The following KAT5 variants were observed in gnomAD, a reference collection of about 807,000 sequenced individuals.
KAT5 encodes the protein lysine acetyltransferase 5.
In KAT5, 31 loss-of-function variants were observed where a neutral mutation model predicts 68.1. The ratio of observed to expected loss-of-function variants is 0.46; its 90% CI spans 0.34 to 0.61. The LOEUF (loss-of-function observed/expected upper bound fraction) is 0.61, where lower values mean the gene tolerates loss of function less well. Among genes scored for constraint, KAT5 ranks in the 20% least tolerant of loss-of-function variants. The pLI is 0.01. For missense variants in KAT5, 451 were observed against 725.5 expected (o/e 0.62, Z 4.35); for synonymous variants, 365 against 292.6 (o/e 1.25, Z -2.52).
Position 65,713,632 on chromosome 11 carries a change from C to T in KAT5, c.580C>T (p.Pro194Ser), listed in dbSNP as rs1243182718. The stretch of plus-strand genomic sequence containing the variant: ...GGTGGTTTCACCAGCAACTCCAGTG[C>T]CCAGCGAGACAGCCCCGGCCTCGGT... The part of the protein sequence containing the change: ...VEVVSPATPV[P>S]SETAPASVFP... The change falls in exon 5 of 13, where the codon CCC becomes TCC. Residue 194 changes from proline to serine, a missense_variant. Transcript: ENST00000341318. The T allele has an allele frequency of 6.2e-7, 1 of 1,614,062 alleles. No individual in the cohort carries two copies. The highest frequency in any genetic ancestry group is 8.5e-7 in the Non-Finnish European group (1 of 1,180,028).
At position 65,718,764 on chromosome 11, in the gene KAT5, G is replaced by A; in HGVS notation, c.1424+15G>A. 1 of 1,614,176 alleles carries A rather than the reference G, an allele frequency of 6.2e-7. No individual in the cohort carries two copies. ...ATCACCATCAAGTGAGCCTGGCGCT[G>A]TCTACCTGGGGGTACATGGCATGGC... On this transcript the variant is annotated intron_variant, in intron 11 of 12. Transcript: ENST00000341318.
intron 3 of KAT5, 144 bp from the exon 4 acceptor site, chr11:65,713,204 G>A (rs922915819): frequency 4.6e-6 from 6 of 1,318,462 alleles, no homozygotes; most frequent in Admixed American, 2.0e-5. Context: ...TGCACATGTA[G>A]CTCCCAGAGT....
chr11:65,718,557 T>C, intron 10 of KAT5, 33 bp from the exon 11 acceptor site: 1 of 1,599,116 alleles, frequency 6.3e-7, no homozygotes. Flanking sequence ...ATCTGTGACC[T>C]CTTACTCACC....
At chr11:65,718,841 C>A in intron 11 of KAT5, 32 bp from the exon 12 acceptor site, 1 of 1,613,706 alleles carries the variant, frequency 6.2e-7, no homozygotes, top group African/African-American at 1.3e-5. Flanking sequence ...AGATAAAGGT[C>A]CTCAGGGAAC....
At chr11:65,717,236 C>T (rs1364593148) in intron 10 of KAT5, 2 of 571,382 alleles carry the variant, frequency 3.5e-6, no homozygotes, top group East Asian at 5.9e-5. Context: ...TTCCCCAAAT[C>T]TGACTTACGT....
chr11:65,719,425 A>T lies in KAT5; in HGVS notation c.*244A>T. ...CTCCTCTGAAGCAGGGACCAGAGGGAGCCAGGCAGCTGTGTACAGTGAGAA... is the reference window on the plus strand; with the variant it reads ...CTCCTCTGAAGCAGGGACCAGAGGGTGCCAGGCAGCTGTGTACAGTGAGAA... On this transcript the variant is annotated 3_prime_UTR_variant, in exon 13 of 13. Coordinates refer to ENST00000341318, the MANE Select transcript of KAT5 (RefSeq NM_182710.3). 2 of 606,640 alleles carry T rather than the reference A, an allele frequency of 3.3e-6. No homozygotes were observed. The highest frequency in any genetic ancestry group is 2.9e-6 in the Non-Finnish European group (1 of 343,726). 37.6% of individuals were successfully genotyped at this position (606,640 alleles called of 1,614,324 possible).
At chr11:65,712,191 GC>G, upstream of KAT5, 1 of 1,356,444 alleles carries the variant, frequency 7.4e-7, no homozygotes, top group Non-Finnish European at 9.6e-7. Context: ...GCTTCGTGAG[GC>G]CCGGGCCCAC....
intron 8 of KAT5, chr11:65,716,331 A>G: frequency 3.6e-6 from 1 of 276,488 alleles, no homozygotes; most frequent in Admixed American, 4.7e-5. Flanking sequence ...TGGACACATT[A>G]GTTCGTTGGC....
chr11:65,713,172 T>G, intron 3 of KAT5, 114 bp downstream of exon 3: 3 of 1,431,572 alleles, frequency 2.1e-6, no homozygotes, highest in Non-Finnish European at 2.9e-6. Context: ...TGACTTCATC[T>G]TGCAAAGGAT....
rs773165524 is a variant in KAT5, at chr11:65,719,079, C to T, written c.1539C>T (p.Ile513=). The T allele has an allele frequency of 4.0e-5, 64 of 1,614,044 alleles. No individual in the cohort carries two copies. In the Admixed American group the frequency reaches 6.8e-4, roughly 17 times the overall value. The change falls in exon 13 of 13, where the codon ATC becomes ATT. Residue 513 remains isoleucine (I), a synonymous_variant. Coordinates refer to ENST00000341318, the MANE Select transcript of KAT5 (RefSeq NM_182710.3). Reference sequence around the variant, plus strand: ...ACATCCTCACACTGTCAGAGGACATCGTGGATGGCCATGAGCGGGCCATGC... The same window carrying T: ...ACATCCTCACACTGTCAGAGGACATTGTGGATGGCCATGAGCGGGCCATGC... ...GQYILTLSED[I]VDGHERAMLK... is the part of the protein sequence containing the mutation.
At chr11:65,713,305 G>T (rs763626367) in intron 3 of KAT5, 43 bp from the exon 4 acceptor site, 5 of 1,598,184 alleles carry the variant, frequency 3.1e-6, no homozygotes, top group Non-Finnish European at 4.3e-6. Context: ...CCATCCCACT[G>T]CCATCCCCGC....
At position 65,716,721 on chromosome 11, in the gene KAT5, C is replaced by T. The variant is rs1857207863; in HGVS notation, c.1084C>T (p.Leu362=). ...LAKCFLDHKT[L]YYDTDPFLFY... is the part of the protein sequence containing the mutation. ...CAAGTGTTTCCTTGACCATAAGACACTGTACTATGACACAGACCCTTTCCT... is the reference window on the plus strand; with the variant it reads ...CAAGTGTTTCCTTGACCATAAGACATTGTACTATGACACAGACCCTTTCCT... Residue 362 remains leucine, a synonymous_variant, in exon 9 of 13, where the codon CTG becomes TTG. Transcript: ENST00000341318. 3 of 1,613,748 alleles carry T rather than the reference C, an allele frequency of 1.9e-6. No individual in the cohort carries two copies. The highest frequency in any genetic ancestry group is 1.7e-6 in the Non-Finnish European group (2 of 1,179,596).
In KAT5 at chr11:65,714,822, C is replaced by A. The variant is rs775104942; in HGVS notation, c.941C>A (p.Thr314Asn). ...TCCTGATCCTCCTCTCTTCCCCAGACCAAGTGTGACCTACGACATCCTCCA... is the reference window on the plus strand; with the variant it reads ...TCCTGATCCTCCTCTCTTCCCCAGAACAAGTGTGACCTACGACATCCTCCA... Reference protein sequence around the residue: ...RSLKCLQRHLTKCDLRHPPGN... With the variant: ...RSLKCLQRHLNKCDLRHPPGN... The change falls in exon 8 of 13, where the codon ACC (threonine) becomes AAC (asparagine). Residue 314 changes from threonine (T) to asparagine (N), a missense_variant and splice_region_variant. Around this residue, in one of 4 missense-constraint regions of KAT5, gnomAD observed 210 missense variants for 423.7 expected, o/e 0.50. Transcript: ENST00000341318. The A allele has an allele frequency of 6.2e-7, 1 of 1,614,234 alleles. No individual in the cohort carries two copies. Among genetic ancestry groups the A allele is most frequent in the Non-Finnish European group, 8.5e-7 (1 of 1,180,036 alleles).
intron 8 of KAT5, chr11:65,716,361 A>G (rs1857194749): frequency 2.9e-6 from 1 of 347,604 alleles, no homozygotes; most frequent in Non-Finnish European, 5.3e-6. Context: ...AAAACATTAA[A>G]AGGCAGTGGT....
rs1189576824 is a variant in KAT5 at position 65,717,185 on chromosome 11, C to T, written c.1264+203C>T. 2.0e-5 allele frequency: 12 copies of T among 598,062 alleles called. No individual in the cohort carries two copies. In the South Asian group the frequency reaches 2.2e-4, roughly 11 times the overall value. 37.0% of individuals were successfully genotyped at this position (598,062 alleles called of 1,614,324 possible). A position where few individuals can be genotyped will look rare whatever the true frequency, so the allele number is the denominator to read the frequency against. ...TTATCTGGGGTAGGTTCTCAGCCCC[C>T]CAGTTTGCTCCTTGGCCAGGGTTCT... is the stretch of plus-strand genomic sequence containing the variant. On this transcript the variant is annotated intron_variant, in intron 10 of 12. Coordinates refer to ENST00000341318, the MANE Select transcript of KAT5 (RefSeq NM_182710.3).
At chr11:65,718,465 T>A in intron 10 of KAT5, 125 bp from the exon 11 acceptor site, 1 of 933,358 alleles carries the variant, frequency 1.1e-6, no homozygotes, top group East Asian at 2.4e-5. Context: ...GTGGAGGGCA[T>A]AGAACTGCCA....
chr11:65,714,335 C>T, intron 6 of KAT5, 160 bp from the exon 7 acceptor site: 3 of 773,806 alleles, frequency 3.9e-6, no homozygotes, highest in Non-Finnish European at 6.1e-6. Flanking sequence ...CATCATCGAT[C>T]CTTTAGGGTT....
rs1857067556 is a variant in KAT5 at position 65,712,802 on chromosome 11, G to T, written c.215G>T (p.Gly72Val). The change falls in exon 2 of 13, where the codon GGC becomes GTC. Residue 72 changes from glycine (G) to valine (V), a missense_variant. Physicochemically the swap from Gly to Val is moderately radical, Grantham distance 109. This residue lies in a region of KAT5 where 104 missense variants were observed against 107.3 expected (regional missense o/e 0.97). Transcript: ENST00000341318. ...AEILSVKDIS[G>V]RKLFYVHYID... Reference sequence around the variant, plus strand: ...ATCCTGAGCGTGAAGGACATCAGTGGCCGGAAGCTTTTCTACGTCCATTAC... The same window carrying T: ...ATCCTGAGCGTGAAGGACATCAGTGTCCGGAAGCTTTTCTACGTCCATTAC... 6.2e-7 allele frequency: 1 copy of T among 1,613,994 alleles called. No individual in the cohort carries two copies. Among genetic ancestry groups the T allele is most frequent in the African/African-American group, 1.3e-5 (1 of 74,888 alleles).
rs138317008 is a variant in KAT5 at position 65,712,414 on chromosome 11, G to A, written c.147G>A (p.Leu49=). The A allele has an allele frequency of 2.1e-4, 339 of 1,591,784 alleles. No individual in the cohort carries two copies. Among genetic ancestry groups the A allele is most frequent in the Admixed American group, 2.7e-4 (14 of 51,864 alleles). Residue 49 remains leucine (L), a synonymous_variant, in exon 1 of 13, where the codon CTG becomes CTA. Coordinates refer to ENST00000341318, the MANE Select transcript of KAT5 (RefSeq NM_182710.3). ...EIIEGCRLPV[L]RRNQDNEDEW... is the part of the protein sequence containing the mutation. The stretch of plus-strand genomic sequence containing the variant: ...TCGAGGGCTGCCGCCTACCCGTGCT[G>A]CGGCGGAACCAGGACAACGAAGATG...
Sources: allele counts gnomAD v4.1 joint callset, GRCh38; gene constraint gnomAD v4.1.1; regional missense constraint gnomAD v4.1.1; transcripts MANE v1.5; gene names NCBI Gene and HGNC (gene_info 2026-07-23, HGNC 2026-07-21).